NRSN1: variants seen among roughly 807,000 people sequenced by gnomAD.
The protein encoded by NRSN1 is neurensin 1.
NRSN1 carries 14 observed loss-of-function variants against 17.3 expected under a neutral mutation model. The ratio of observed to expected loss-of-function variants is 0.81; its 90% CI spans 0.54 to 1.27. The LOEUF (loss-of-function observed/expected upper bound fraction) is 1.27, where lower values mean the gene tolerates loss of function less well. Ranked by LOEUF, NRSN1 falls within the 50% of genes most tolerant of loss-of-function variation. NRSN1 has a pLI of 0.00. For synonymous variants in NRSN1, 79 were observed against 94.2 expected, an observed-to-expected ratio of 0.84 and a Z score of 0.93; for missense variants, 209 against 235.9, an observed-to-expected ratio of 0.89 and a Z score of 0.75.
intron 1 of NRSN1, among the ~76,000 whole-genome samples, chr6:24,127,618 C>T (rs2113710079): frequency 6.6e-6 from 1 of 152,274 alleles, no homozygotes; most frequent in African/African-American, 2.4e-5. Context: ...AGGAGTAAAA[C>T]TCAGCCTAAT....
chr6:24,145,863 AC>A lies in NRSN1; in HGVS notation c.506del (p.Thr169LysfsTer38). ...ADIKAHTQPV[T>X]KAPGPGETKI... ...CATCAAAGCCCACACCCAGCCGGTT[AC>A]AAAAGCTCCAGGGCCAGGGGAAACA... On this transcript the variant is annotated frameshift_variant, in exon 4 of 4. Transcript: ENST00000378491. LOFTEE classifies it high-confidence loss of function. This position sits in a 1 kb window ranked among gnomAD's most constrained non-coding sequence, Gnocchi z 4.4. 1 of 1,614,270 alleles carries A rather than the reference AC, an allele frequency of 6.2e-7. No individual in the cohort carries two copies. The highest frequency in any genetic ancestry group is 8.5e-7 in the Non-Finnish European group (1 of 1,180,044).
chr6:24,134,855 C>A (rs1191590735), intron 3 of NRSN1, among the ~76,000 whole-genome samples: 2 of 152,056 alleles, frequency 1.3e-5, no homozygotes, highest in African/African-American at 4.8e-5. Context: ...TCCTTACAGG[C>A]GTGGTAAGTA....
chr6:24,140,994 C>T, intron 3 of NRSN1: 2 of 1,455,966 alleles, frequency 1.4e-6, no homozygotes, highest in African/African-American at 1.4e-5. Flanking sequence ...AAAAACTGTC[C>T]TCGCTGCTGT....
At chr6:24,131,812 T>C (rs1760034601) in intron 2 of NRSN1, among the ~76,000 whole-genome samples, 1 of 152,238 alleles carries the variant, frequency 6.6e-6, no homozygotes, top group Non-Finnish European at 1.5e-5. Context: ...GCTTAAAATA[T>C]TAAAACTAGG....
intron 3 of NRSN1, among the ~76,000 whole-genome samples, chr6:24,134,893 A>G (rs1035383277): frequency 1.3e-5 from 2 of 152,222 alleles, no homozygotes; most frequent in East Asian, 1.9e-4. Context: ...ACAATTATTA[A>G]AAAGAAATCA....
At position 24,145,963 on chromosome 6, in the gene NRSN1, GTTC is replaced by G. The variant is rs1561868834; in HGVS notation, c.*23_*25del. 13 of 1,587,586 alleles carry G rather than the reference GTTC, an allele frequency of 8.2e-6. No individual in the cohort carries two copies. Among genetic ancestry groups the G allele is most frequent in the Non-Finnish European group, 1.1e-5 (13 of 1,169,372 alleles). On this transcript the variant is annotated 3_prime_UTR_variant, in exon 4 of 4. Transcript: ENST00000378491. The surrounding 1 kb of genome is among the most constrained non-coding windows in gnomAD (Gnocchi z 4.4). ...GCAACCTGAAACCTTTCCCACCCCAGTTCTTCTTGTCTGATTTATGCCCGTGGT... is the reference window on the plus strand; with the variant it reads ...GCAACCTGAAACCTTTCCCACCCCAGTTCTTGTCTGATTTATGCCCGTGGT...
At chr6:24,133,931 G>A (rs947775653) in intron 2 of NRSN1, among the ~76,000 whole-genome samples, 6 of 151,842 alleles carry the variant, frequency 4.0e-5, no homozygotes, top group African/African-American at 1.5e-4. Flanking sequence ...CCACCTCCCG[G>A]GTTCACGCCA....
intron 3 of NRSN1, chr6:24,141,270 A>G: frequency 8.0e-7 from 1 of 1,251,758 alleles, no homozygotes; most frequent in Non-Finnish European, 1.0e-6. Flanking sequence ...GTGTCCAGAG[A>G]TAATTTTTAT....
intron 2 of NRSN1, among the ~76,000 whole-genome samples, chr6:24,131,766 G>A (rs1760033617): frequency 6.6e-6 from 1 of 152,148 alleles, no homozygotes; most frequent in Non-Finnish European, 1.5e-5. Context: ...CATTGTATAA[G>A]CATTAAATAG....
At chr6:24,126,527 C>T (rs957568393) in intron 1 of NRSN1, among the ~76,000 whole-genome samples, 187 bp downstream of exon 1, 4 of 151,958 alleles carry the variant, frequency 2.6e-5, no homozygotes, top group Non-Finnish European at 4.4e-5. Context: ...AAAAAACATG[C>T]GTATTAAAAT....
intron 3 of NRSN1, among the ~76,000 whole-genome samples, chr6:24,144,784 T>C (rs557275065): frequency 6.6e-6 from 1 of 152,120 alleles, no homozygotes; most frequent in African/African-American, 2.4e-5. Context: ...CATGTGTTAA[T>C]GTTCTGTGAG....
chr6:24,134,474 G>A lies in NRSN1; in HGVS notation c.147G>A (p.Gln49=), dbSNP rs1032064642. 6.2e-7 allele frequency: 1 copy of A among 1,614,156 alleles called. No homozygotes were observed. The highest frequency in any genetic ancestry group is 8.5e-7 in the Non-Finnish European group (1 of 1,180,008). The change falls in exon 3 of 4, where the codon CAG becomes CAA. Residue 49 remains glutamine (Q), a synonymous_variant. Coordinates refer to ENST00000378491, the MANE Select transcript of NRSN1 (RefSeq NM_080723.5). ...ASIWEYEDDF[Q]IQRSPNRWSS... is the part of the protein sequence containing the mutation. Reference sequence around the variant, plus strand: ...TTTGGGAGTATGAGGATGATTTCCAGATCCAAAGATCACCTAACAGGTGGA... The same window carrying A: ...TTTGGGAGTATGAGGATGATTTCCAAATCCAAAGATCACCTAACAGGTGGA...
At chr6:24,137,302 T>A (rs182925827) in intron 3 of NRSN1, among the ~76,000 whole-genome samples, 1 of 152,334 alleles carries the variant, frequency 6.6e-6, no homozygotes, top group Admixed American at 6.5e-5. Context: ...TAACATCTAT[T>A]TCACAGTATC....
chr6:24,133,054 T>TA (rs1390380450), intron 2 of NRSN1, among the ~76,000 whole-genome samples: 1 of 151,754 alleles, frequency 6.6e-6, no homozygotes, highest in Non-Finnish European at 1.5e-5. Context: ...TTCTTTTTTT[T>TA]AACCATGATT....
At chr6:24,132,082 A>T (rs1028109396) in intron 2 of NRSN1, among the ~76,000 whole-genome samples, 1 of 152,206 alleles carries the variant, frequency 6.6e-6, no homozygotes, top group African/African-American at 2.4e-5. Flanking sequence ...TTAATTGACC[A>T]ACAGCTAAAA....
intron 2 of NRSN1, 54 bp from the exon 3 acceptor site, chr6:24,134,265 T>G: frequency 6.9e-7 from 1 of 1,440,890 alleles, no homozygotes; most frequent in Non-Finnish European, 9.6e-7. Context: ...ATATGTCTTT[T>G]GATCCTGTGG....
In NRSN1 at chr6:24,146,196, C is replaced by A. The variant is rs1760302079; in HGVS notation, c.*250C>A. 2.9e-6 allele frequency: 2 copies of A among 691,388 alleles called. No homozygotes were observed. The highest frequency in any genetic ancestry group is 4.7e-4 in the Middle Eastern group (2 of 4,256). 42.8% of individuals were successfully genotyped at this position (691,388 alleles called of 1,614,324 possible). ...TTCCTTGTACCCGGCCACCAGAAAA[C>A]CCCTGGAACTCCTCTTTCATAGATC... On this transcript the variant is annotated 3_prime_UTR_variant, in exon 4 of 4. Transcript: ENST00000378491.
intron 3 of NRSN1, among the ~76,000 whole-genome samples, chr6:24,142,280 A>T (rs1309383784): frequency 1.5e-5 from 2 of 130,052 alleles, no homozygotes; most frequent in Non-Finnish European, 3.1e-5. Flanking sequence ...ATTTGTTCAC[A>T]TATGGTGGCT....
intron 3 of NRSN1, among the ~76,000 whole-genome samples, chr6:24,141,946 C>T (rs1185075793): frequency 6.6e-6 from 1 of 152,124 alleles, no homozygotes; most frequent in Non-Finnish European, 1.5e-5. Flanking sequence ...ATAATTAATG[C>T]CAATTCTTCA....
Sources: gnomAD v4.1 joint callset for allele counts (sites outside exome capture counted in the v4.1 genomes callset) on GRCh38, gnomAD v4.1.1 for gene constraint, Gnocchi (gnomAD v3.1) non-coding constraint, MANE v1.5 for transcripts, NCBI Gene and HGNC (gene_info 2026-07-23, HGNC 2026-07-21) for gene names.